The following ZNF236 variants were observed in gnomAD, a reference collection of about 807,000 sequenced individuals.
The protein encoded by ZNF236 is regulated by glucose.
In ZNF236, 50 loss-of-function variants were observed where a neutral mutation model predicts 191.2. The observed-to-expected ratio is 0.26, with a 90% CI of 0.21 to 0.33. The LOEUF is 0.33. ZNF236 is among the 10% of genes least tolerant of loss of function. The pLI is 1.00. For missense variants in ZNF236, 1,754 were observed against 2,374.5 expected (o/e 0.74, Z 5.43); for synonymous variants, 907 against 928.8 (o/e 0.98, Z 0.43).
At chr18:76,843,449 A>G (rs1975572031) in intron 1 of ZNF236, among the ~76,000 whole-genome samples, 1 of 152,198 alleles carries the variant, frequency 6.6e-6, no homozygotes, top group Non-Finnish European at 1.5e-5. Flanking sequence ...TGGCAGGAGC[A>G]GTAGAAACAG....
At position 76,875,512 on chromosome 18, in the gene ZNF236, A is replaced by G; in HGVS notation, c.688A>G (p.Ser230Gly). 6.5e-7 allele frequency: 1 copy of G among 1,544,456 alleles called. No homozygotes were observed. Among genetic ancestry groups the G allele is most frequent in the Non-Finnish European group, 8.8e-7 (1 of 1,141,238 alleles). The stretch of plus-strand genomic sequence containing the variant: ...TCTAGGTGAAAGGCCGTTCAAATGT[A>G]GTGAATGTGGAAAGGCTTTTAACCA... ...IHTGERPFKCSECGKAFNQKG... is the reference protein window; with the variant it reads ...IHTGERPFKCGECGKAFNQKG... Residue 230 changes from serine (S) to glycine (G), a missense_variant, in exon 6 of 31, where the codon AGT (serine) becomes GGT (glycine). Ser to Gly is a moderately conservative substitution (Grantham distance 56, BLOSUM62 0). Coordinates refer to ENST00000320610, the MANE Select transcript of ZNF236 (RefSeq NM_001306089.2). This position sits in a 1 kb window ranked among gnomAD's most constrained non-coding sequence, Gnocchi z 4.3.
At chr18:76,871,907 A>G (rs1337959370) in intron 5 of ZNF236, 82 bp downstream of exon 5, 2 of 1,527,196 alleles carry the variant, frequency 1.3e-6, no homozygotes, top group African/African-American at 1.4e-5. Flanking sequence ...TCGACTTGGA[A>G]TCTGATCCCA....
At chr18:76,847,333 C>A (rs930601586) in intron 1 of ZNF236, among the ~76,000 whole-genome samples, 1 of 152,110 alleles carries the variant, frequency 6.6e-6, no homozygotes, top group Non-Finnish European at 1.5e-5. Context: ...GTTCTGAAAA[C>A]CCAATTTTCA....
intron 9 of ZNF236, among the ~76,000 whole-genome samples, chr18:76,889,082 T>G (rs1304245297): frequency 1.3e-5 from 2 of 152,254 alleles, no homozygotes; most frequent in Non-Finnish European, 2.9e-5. Context: ...CCAGGCATCC[T>G]GTACCCCAGC....
chr18:76,831,381 A>C lies in ZNF236; in HGVS notation c.55+8719A>C, dbSNP rs575850832. On this transcript the variant is annotated intron_variant, in intron 1 of 30. Transcript: ENST00000320610. ...CTTTTCAAGGCTTGATAGGTATTTC[A>C]TTTTGTTGCTGAATAATATTCTACT... 4.6e-5 allele frequency among the ~76,000 whole-genome samples: 7 copies of C among 152,242 alleles called. No individual in the cohort carries two copies. In the South Asian group the frequency reaches 1.5e-3, roughly 32 times the overall value.
Position 76,849,642 on chromosome 18 carries a change from A to G in ZNF236, c.172A>G (p.Met58Val), listed in dbSNP as rs1158390363. ...FPKESQFQRH[M>V]RDHERNDKPH... ...AAAAGAATCCCAGTTTCAACGCCAC[A>G]TGAGGGATCACGAGCGAAATGACAA... Residue 58 changes from methionine (M) to valine (V), a missense_variant, in exon 2 of 31, where the codon ATG becomes GTG. Transcript: ENST00000320610. 4 of 1,596,356 alleles carry G rather than the reference A, an allele frequency of 2.5e-6. No homozygotes were observed. In the African/African-American group the frequency reaches 4.1e-5, roughly 16 times the overall value.
intron 5 of ZNF236, among the ~76,000 whole-genome samples, chr18:76,872,993 T>C (rs1435090566): frequency 6.6e-6 from 1 of 152,234 alleles, no homozygotes; most frequent in Non-Finnish European, 1.5e-5. Context: ...TTTCAATGTT[T>C]ATATGTCAGC....
At chr18:76,961,683 G>A (rs1968671917) in intron 30 of ZNF236, among the ~76,000 whole-genome samples, 1 of 151,948 alleles carries the variant, frequency 6.6e-6, no homozygotes, top group African/African-American at 2.4e-5. Context: ...CCCACTAGCA[G>A]TGTGGAAGTA....
At chr18:76,914,516 G>A (rs761661278) in intron 18 of ZNF236, among the ~76,000 whole-genome samples, 25 of 152,174 alleles carry the variant, frequency 1.6e-4, no homozygotes, top group Non-Finnish European at 1.5e-5. Context: ...CCACCGTAGC[G>A]TGGGAGGGCT....
intron 6 of ZNF236, among the ~76,000 whole-genome samples, chr18:76,876,175 T>A (rs1160848031): frequency 6.6e-6 from 1 of 152,240 alleles, no homozygotes; most frequent in Non-Finnish European, 1.5e-5. Context: ...CCTGTGGTAA[T>A]TTTCTGTTGT....
At chr18:76,942,340 A>G (rs1179071437) in intron 26 of ZNF236, among the ~76,000 whole-genome samples, 3 of 152,184 alleles carry the variant, frequency 2.0e-5, no homozygotes, top group African/African-American at 7.2e-5. Context: ...CAGTAATATA[A>G]ACATAGAAAT....
chr18:76,926,842 A>T lies in ZNF236; in HGVS notation c.4028-195A>T, dbSNP rs373544626. 6.9e-4 allele frequency among the ~76,000 whole-genome samples: 3 copies of T among 4,330 alleles called. 1 individual carries two copies. The Admixed American group carries it at 8.6e-3, about 12-fold the overall frequency. 2.8% of individuals were successfully genotyped at this position (4,330 alleles called of 152,430 possible). ...TAAGGGGTGATTAGACAGTGTGTGTATATGGTATAAAGGGTGATTAAACAG... is the reference window on the plus strand; with the variant it reads ...TAAGGGGTGATTAGACAGTGTGTGTTTATGGTATAAAGGGTGATTAAACAG... On this transcript the variant is annotated intron_variant, in intron 22 of 30. Transcript: ENST00000320610.
At chr18:76,967,816 G>A (rs185835717) in intron 30 of ZNF236, among the ~76,000 whole-genome samples, 48 of 152,300 alleles carry the variant, frequency 3.2e-4, no homozygotes, top group Middle Eastern at 6.8e-3. Context: ...GGGAACCCGA[G>A]GGCAGAACAC....
At chr18:76,940,795 A>G (rs922741536) in intron 26 of ZNF236, among the ~76,000 whole-genome samples, 4 of 152,054 alleles carry the variant, frequency 2.6e-5, no homozygotes, top group South Asian at 2.1e-4. Flanking sequence ...GGGGTCCCCA[A>G]CTCCCAGGTT....
Position 76,939,936 on chromosome 18 carries a change from A to C in ZNF236, c.4782+2593A>C, listed in dbSNP as rs59321687. ...TGGGAACACGGTGGGCGACCCTAGC[A>C]CTGCATTTGGGAACATGGTGGGCCA... On this transcript the variant is annotated intron_variant, in intron 26 of 30. Coordinates refer to ENST00000320610, the MANE Select transcript of ZNF236 (RefSeq NM_001306089.2). 9.1e-4 allele frequency among the ~76,000 whole-genome samples: 125 copies of C among 137,394 alleles called. 2 individuals are homozygous for C. In the East Asian group the frequency reaches 0.027, roughly 30 times the overall value. The allele number at this position is 137,394 out of a possible 152,430, so 90.1% of individuals were successfully genotyped here.
At chr18:76,965,335 T>A (rs1440755382) in intron 30 of ZNF236, among the ~76,000 whole-genome samples, 4 of 152,228 alleles carry the variant, frequency 2.6e-5, no homozygotes, top group African/African-American at 9.6e-5. Flanking sequence ...CACCTTTCTC[T>A]GGTACCTTCC....
rs182809421 is a variant in ZNF236 at position 76,972,055 on chromosome 18, G to T, written c.*3716G>T. ...TGCGGCGGATACTTCTGAAGGAAGCGTTCTTTTTGTGTCACTTAATCTGTG... is the reference window on the plus strand; with the variant it reads ...TGCGGCGGATACTTCTGAAGGAAGCTTTCTTTTTGTGTCACTTAATCTGTG... On this transcript the variant is annotated 3_prime_UTR_variant, in exon 31 of 31. Transcript: ENST00000320610. 1.3e-5 allele frequency among the ~76,000 whole-genome samples: 2 copies of T among 152,160 alleles called. No individual in the cohort carries two copies. Among genetic ancestry groups the T allele is most frequent in the East Asian group, 1.9e-4 (1 of 5,196 alleles).
In ZNF236 at chr18:76,874,843, G is replaced by A. The variant is rs146158247; in HGVS notation, c.668-649G>A. On this transcript the variant is annotated intron_variant, in intron 5 of 30. Coordinates refer to ENST00000320610, the MANE Select transcript of ZNF236 (RefSeq NM_001306089.2). ...GTGGGTAGAGGGAGCAAGAGAGCAGGGGCAGGGGAGCTGACAACAGCTGGT... is the reference window on the plus strand; with the variant it reads ...GTGGGTAGAGGGAGCAAGAGAGCAGAGGCAGGGGAGCTGACAACAGCTGGT... 1.6e-3 allele frequency among the ~76,000 whole-genome samples: 241 copies of A among 152,322 alleles called. 2 individuals are homozygous for A. Among genetic ancestry groups the A allele is most frequent in the African/African-American group, 5.5e-3 (229 of 41,568 alleles).
intron 6 of ZNF236, among the ~76,000 whole-genome samples, chr18:76,876,699 G>C (rs139466978): frequency 6.6e-6 from 1 of 152,152 alleles, no homozygotes; most frequent in African/African-American, 2.4e-5. Context: ...TTTAGATTTC[G>C]GAAGAATAAA....
Sources: allele counts gnomAD v4.1 joint callset (sites outside exome capture counted in the v4.1 genomes callset), GRCh38; gene constraint gnomAD v4.1.1; non-coding constraint Gnocchi (gnomAD v3.1); transcripts MANE v1.5; gene names NCBI Gene and HGNC (gene_info 2026-07-23, HGNC 2026-07-21).